The following SCN3A variants were observed in gnomAD, a reference collection of about 807,000 sequenced individuals.
The protein encoded by SCN3A is sodium voltage-gated channel alpha subunit 3, also known as sodium channel protein type 3 subunit alpha.
In SCN3A, 60 loss-of-function variants were observed where a neutral mutation model predicts 187.6. The observed-to-expected ratio is 0.32, with a 90% confidence interval of 0.26 to 0.40. The LOEUF (loss-of-function observed/expected upper bound fraction) is 0.40, where lower values mean the gene tolerates loss of function less well. SCN3A is among the 10% of genes least tolerant of loss of function. The probability of loss-of-function intolerance (pLI) is 1.00; values close to 1 mark genes in which losing one functional copy is unlikely to be tolerated. For synonymous variants in SCN3A, 788 were observed against 829.2 expected, an observed-to-expected ratio of 0.95 and a Z score of 0.85; for missense variants, 1,601 against 2,428.2, an observed-to-expected ratio of 0.66 and a Z score of 7.16.
At chr2:165,096,957 G>A (rs1308884651) in intron 23 of SCN3A, among the ~76,000 whole-genome samples, 1 of 151,778 alleles carries the variant, frequency 6.6e-6, no homozygotes, top group African/African-American at 2.4e-5. Flanking sequence ...TGCTCCTTTG[G>A]CAATAATTGA....
intron 3 of SCN3A, among the ~76,000 whole-genome samples, chr2:165,173,390 G>T (rs758402036): frequency 6.9e-4 from 105 of 152,052 alleles, no homozygotes; most frequent in Non-Finnish European, 1.2e-3. Context: ...TCATCTCTCT[G>T]TGCTTCACTT....
chr2:165,145,707 A>T (rs1027789096), intron 12 of SCN3A, among the ~76,000 whole-genome samples: 2 of 151,946 alleles, frequency 1.3e-5, no homozygotes, highest in Non-Finnish European at 2.9e-5. Flanking sequence ...TTCTTTCTTT[A>T]TGAAAAATAT....
In SCN3A at chr2:165,155,765, C is replaced by T. The variant is rs779001370; in HGVS notation, c.1170G>A (p.Gln390=). 2.5e-6 allele frequency: 4 copies of T among 1,614,072 alleles called. No homozygotes were observed. The Admixed American group carries it at 6.7e-5, about 27-fold the overall frequency. ...MTQDYWENLY[Q]LTLRAAGKTY... ...TGCATGCTCATTTGGACCTTACCAA[C>T]TGGTAAAGATTTTCCCAGTAGTCTT... The change falls in exon 10 of 28, where the codon CAG becomes CAA. Residue 390 remains glutamine, a synonymous_variant. Transcript: ENST00000283254.
In SCN3A at chr2:165,112,985, G is replaced by C; in HGVS notation, c.3743C>G (p.Thr1248Ser). The change falls in exon 21 of 28, where the codon ACC (threonine) becomes AGC (serine). Residue 1248 changes from threonine to serine, a missense_variant. By Grantham distance (58) the Thr-to-Ser change is moderately conservative (BLOSUM62 1). Coordinates refer to ENST00000283254, the MANE Select transcript of SCN3A (RefSeq NM_006922.4). ...TMLEYADKVFTYIFILEMLLK... is the reference protein window; with the variant it reads ...TMLEYADKVFSYIFILEMLLK... ...AAGCATTTCCAGAATGAATATATAG[G>C]TAAAGACTTTGTCAGCATATTCTAG... 1.9e-6 allele frequency: 3 copies of C among 1,612,826 alleles called. No individual in the cohort carries two copies. The highest frequency in any genetic ancestry group is 2.5e-6 in the Non-Finnish European group (3 of 1,179,364).
chr2:165,165,250 G>C (rs1559252705), intron 5 of SCN3A, among the ~76,000 whole-genome samples: 1 of 151,582 alleles, frequency 6.6e-6, no homozygotes, highest in Non-Finnish European at 1.5e-5. Context: ...CACCCTGAGT[G>C]TATGTGTGTG....
intron 1 of SCN3A, among the ~76,000 whole-genome samples, chr2:165,197,975 T>C (rs867988769): frequency 4.7e-5 from 7 of 150,118 alleles, no homozygotes; most frequent in African/African-American, 1.3e-4. Context: ...TTTGAGACCA[T>C]ACAGGTCTCA....
chr2:165,167,693 A>T (rs1689856917), intron 5 of SCN3A, among the ~76,000 whole-genome samples: 1 of 152,140 alleles, frequency 6.6e-6, no homozygotes, highest in African/African-American at 2.4e-5. Flanking sequence ...TAATGTTGTT[A>T]CGATAAAGAA....
intron 11 of SCN3A, among the ~76,000 whole-genome samples, chr2:165,150,989 A>G (rs888017782): frequency 2.0e-5 from 3 of 152,160 alleles, no homozygotes; most frequent in African/African-American, 7.2e-5. Flanking sequence ...AAACTCTTAA[A>G]TAATTCAAAT....
At chr2:165,102,777 A>C (rs1016206114) in intron 21 of SCN3A, among the ~76,000 whole-genome samples, 4 of 152,208 alleles carry the variant, frequency 2.6e-5, no homozygotes, top group African/African-American at 9.6e-5. Context: ...TTTCTAGGCT[A>C]CATATGTCCT....
chr2:165,188,795 G>A (rs1170413385), intron 1 of SCN3A, among the ~76,000 whole-genome samples: 2 of 95,906 alleles, frequency 2.1e-5, no homozygotes, highest in Non-Finnish European at 3.8e-5. Context: ...GATTCCATCC[G>A]CCCCACTTCA....
intron 1 of SCN3A, among the ~76,000 whole-genome samples, chr2:165,198,602 AG>A (rs1355292131): frequency 6.6e-6 from 1 of 152,046 alleles, no homozygotes; most frequent in African/African-American, 2.4e-5. Context: ...TTGATGTAAC[AG>A]TCTCCTAGCA....
Position 165,138,031 on chromosome 2 carries a change from A to T in SCN3A, c.2239T>A (p.Leu747Ile). ...AAATTCACAAGATGTTTTACTTTTA[A>T]CCATGCATCACAGCAGTCCCAGATC... ...FLIWDCCDAW[L>I]KVKHLVNLIV... is the part of the protein sequence containing the mutation. The change falls in exon 15 of 28, where the codon TTA becomes ATA. Residue 747 changes from leucine to isoleucine, a missense_variant. By Grantham distance (5) the Leu-to-Ile change is conservative. This residue lies in a region of SCN3A where 376 missense variants were observed against 476.0 expected (regional missense o/e 0.79). Transcript: ENST00000283254. The T allele has an allele frequency of 1.2e-6, 2 of 1,613,604 alleles. No individual in the cohort carries two copies. The highest frequency in any genetic ancestry group is 1.7e-6 in the Non-Finnish European group (2 of 1,179,616).
At chr2:165,145,485 T>A (rs1688260576) in intron 12 of SCN3A, among the ~76,000 whole-genome samples, 2 of 152,106 alleles carry the variant, frequency 1.3e-5, no homozygotes, top group South Asian at 4.1e-4. Context: ...ATCTTAAAAC[T>A]CTTTGTGTAT....
At chr2:165,120,961 A>G (rs1686643821) in intron 18 of SCN3A, among the ~76,000 whole-genome samples, 1 of 152,160 alleles carries the variant, frequency 6.6e-6, no homozygotes, top group Non-Finnish European at 1.5e-5. Flanking sequence ...GAAAATAATT[A>G]CGTTGTAGTT....
chr2:165,172,165 C>A (rs540418218), intron 3 of SCN3A, among the ~76,000 whole-genome samples: 1 of 151,934 alleles, frequency 6.6e-6, no homozygotes, highest in Non-Finnish European at 1.5e-5. Flanking sequence ...CTTAACTAAC[C>A]ATTTTCCAGA....
At chr2:165,103,800 G>T (rs1487608164) in intron 21 of SCN3A, among the ~76,000 whole-genome samples, 1 of 152,038 alleles carries the variant, frequency 6.6e-6, no homozygotes, top group African/African-American at 2.4e-5. Flanking sequence ...ACAAATAAAA[G>T]ATAAAAACTC....
chr2:165,118,188 G>C (rs1241845486), intron 18 of SCN3A, among the ~76,000 whole-genome samples: 1 of 152,052 alleles, frequency 6.6e-6, no homozygotes, highest in Non-Finnish European at 1.5e-5. Flanking sequence ...TACATCTTAA[G>C]ATAGAGAGGG....
intron 18 of SCN3A, among the ~76,000 whole-genome samples, chr2:165,121,694 C>A (rs1348211295): frequency 6.6e-6 from 1 of 152,128 alleles, no homozygotes; most frequent in Non-Finnish European, 1.5e-5. Flanking sequence ...CACCAGAAGC[C>A]TTGAAAACTG....
chr2:165,138,189 A>C, intron 14 of SCN3A, 72 bp from the exon 15 acceptor site: 1 of 1,091,868 alleles, frequency 9.2e-7, no homozygotes, highest in South Asian at 1.3e-5. Flanking sequence ...TAGATTTTAC[A>C]TTATTTAACA....
Sources: gnomAD v4.1 joint callset for allele counts (sites outside exome capture counted in the v4.1 genomes callset) on GRCh38, gnomAD v4.1.1 for gene constraint, gnomAD v4.1.1 regional missense constraint, MANE v1.5 for transcripts, NCBI Gene and HGNC (gene_info 2026-07-23, HGNC 2026-07-21) for gene names.